The following RPS24 variants were observed in gnomAD, a reference collection of about 807,000 sequenced individuals.
RPS24 encodes the protein ribosomal protein S24.
For missense variants in RPS24, 100 were observed against 162.5 expected (o/e 0.62, Z 2.09); for synonymous variants, 72 against 55.6 (o/e 1.30, Z -1.31).
rs1847957910 is a variant in RPS24 at position 78,039,977 on chromosome 10, A to G, written c.391-227A>G. 5 of 619,262 alleles carry G rather than the reference A, an allele frequency of 8.1e-6. No individual in the cohort carries two copies. In the Admixed American group the frequency reaches 9.5e-5, roughly 12 times the overall value. The allele number at this position is 619,262 out of a possible 1,614,324, so 38.4% of individuals were successfully genotyped here. Reference sequence around the variant, plus strand: ...TGTGAAGTCCGGCTACCTCGTTTGCATAAGAACTACAGTAATCAGGCAAGG... The same window carrying G: ...TGTGAAGTCCGGCTACCTCGTTTGCGTAAGAACTACAGTAATCAGGCAAGG... On this transcript the variant is annotated intron_variant, in intron 4 of 5. Coordinates refer to ENST00000372360, the MANE Select transcript of RPS24 (RefSeq NM_033022.4).
chr10:78,040,837 G>C (rs1847976951), downstream of RPS24: 8 of 659,002 alleles, frequency 1.2e-5, no homozygotes, highest in Admixed American at 2.1e-4. Flanking sequence ...GTGTTTGTTT[G>C]CTGCTTGGTT....
chr10:78,045,360 T>G (rs1228573538), downstream of RPS24, among the ~76,000 whole-genome samples: 1 of 152,170 alleles, frequency 6.6e-6, no homozygotes. Context: ...CCACTCAGCT[T>G]ACAATCAGCT....
chr10:78,049,006 C>G (rs1848073427), intron 4 of RPS24: 1 of 152,052 alleles, frequency 6.6e-6, no homozygotes. Flanking sequence ...GGAAGGAGAG[C>G]TCTTCAGTTC....
downstream of RPS24, among the ~76,000 whole-genome samples, chr10:78,041,437 T>C (rs146472520): frequency 6.6e-6 from 1 of 152,310 alleles, no homozygotes; most frequent in East Asian, 1.9e-4. Flanking sequence ...CTTCGGTTTG[T>C]GGGGCCTCTG....
At chr10:78,047,209 G>A (rs913796142) in intron 4 of RPS24, among the ~76,000 whole-genome samples, 1 of 151,542 alleles carries the variant, frequency 6.6e-6, no homozygotes, top group Non-Finnish European at 1.5e-5. Context: ...CAGGTGATCC[G>A]CTGGCCTCGG....
At chr10:78,043,865 A>G (rs1848013979), downstream of RPS24, among the ~76,000 whole-genome samples, 1 of 152,090 alleles carries the variant, frequency 6.6e-6, no homozygotes, top group Non-Finnish European at 1.5e-5. Flanking sequence ...ATCATGGCTA[A>G]ATGGTCTGGG....
intron 4 of RPS24, among the ~76,000 whole-genome samples, chr10:78,054,050 A>ACCTTGGTGAGCTTTC (rs1246035806): frequency 1.3e-5 from 2 of 152,044 alleles, no homozygotes; most frequent in African/African-American, 4.8e-5. Context: ...TGAAGGCCAT[A>ACCTTGGTGAGCTTTC]CCTTGGTGAG....
intron 4 of RPS24, chr10:78,039,836 G>A (rs979507812): frequency 2.2e-5 from 7 of 322,924 alleles, no homozygotes; most frequent in Non-Finnish European, 4.1e-5. Flanking sequence ...TGTTCCTGGT[G>A]TGTGTCCAGC....
At chr10:78,053,139 G>A (rs1329825720) in intron 4 of RPS24, among the ~76,000 whole-genome samples, 1 of 149,590 alleles carries the variant, frequency 6.7e-6, no homozygotes, top group African/African-American at 2.5e-5. Flanking sequence ...GGCAACAAGA[G>A]TGAAATTCCG....
intron 1 of RPS24, among the ~76,000 whole-genome samples, chr10:78,034,970 G>T (rs1847830641): frequency 6.6e-6 from 1 of 152,166 alleles, no homozygotes; most frequent in African/African-American, 2.4e-5. Context: ...GGTGGGAAGT[G>T]CTTCCGGCAT....
intron 4 of RPS24, among the ~76,000 whole-genome samples, chr10:78,053,781 G>A (rs1848124042): frequency 6.6e-6 from 1 of 152,100 alleles, no homozygotes; most frequent in South Asian, 2.1e-4. Flanking sequence ...TCCTGTGTTG[G>A]GCACAGTATA....
chr10:78,048,826 G>A (rs951001841), intron 4 of RPS24, among the ~76,000 whole-genome samples: 3 of 139,414 alleles, frequency 2.2e-5, no homozygotes, highest in Non-Finnish European at 3.0e-5. Context: ...AGTGAGCCGC[G>A]ATTGCACCAC....
intron 4 of RPS24, chr10:78,037,599 T>A (rs778690821): frequency 1.3e-5 from 5 of 381,522 alleles, no homozygotes; most frequent in South Asian, 5.1e-5. Context: ...GAAGTTTTAA[T>A]TTTACTAATT....
chr10:78,049,816 C>G (rs931588806), intron 4 of RPS24, among the ~76,000 whole-genome samples: 12 of 152,210 alleles, frequency 7.9e-5, no homozygotes, highest in African/African-American at 2.7e-4. Flanking sequence ...TTCTGCTCCT[C>G]TTCCATCGGC....
chr10:78,049,838 C>T (rs1848081914), intron 4 of RPS24, among the ~76,000 whole-genome samples: 1 of 152,220 alleles, frequency 6.6e-6, no homozygotes, highest in South Asian at 2.1e-4. Flanking sequence ...GGGACTTAGT[C>T]TCCTGCAACA....
At chr10:78,049,208 G>GT (rs1848075418) in intron 4 of RPS24, 1 of 152,220 alleles carries the variant, frequency 6.6e-6, no homozygotes, top group African/African-American at 2.4e-5. Context: ...CTCAAGTGCT[G>GT]TTTCTTGCTT....
At chr10:78,040,890 C>T (rs1847977628), downstream of RPS24, 3 of 581,984 alleles carry the variant, frequency 5.2e-6, no homozygotes, top group Non-Finnish European at 9.2e-6. Context: ...CTTGTAAATG[C>T]TGTGTTAAGA....
At chr10:78,049,178 A>AGCAAGTGAGCCGTTTGCTAC (rs1320710602) in intron 4 of RPS24, 2 of 152,298 alleles carry the variant, frequency 1.3e-5, no homozygotes, top group East Asian at 3.9e-4. Context: ...CACCTCTGAC[A>AGCAAGTGAGCCGTTTGCTAC]GCAAGTGAGC....
In RPS24 at chr10:78,040,677, A is replaced by G; in HGVS notation, c.*82A>G. The G allele has an allele frequency of 1.2e-6, 2 of 1,613,978 alleles. No individual in the cohort carries two copies. The highest frequency in any genetic ancestry group is 8.5e-7 in the Non-Finnish European group (1 of 1,179,826). On this transcript the variant is annotated 3_prime_UTR_variant, in exon 6 of 6. Transcript: ENST00000372360. ...GCCACTGTGGATTTTTCGCAAGAAC[A>G]TTAATAAACTAAAAACTTCATGTGT...
Sources: gnomAD v4.1 joint callset for allele counts (sites outside exome capture counted in the v4.1 genomes callset) on GRCh38, gnomAD v4.1.1 for gene constraint, MANE v1.5 for transcripts, NCBI Gene and HGNC (gene_info 2026-07-23, HGNC 2026-07-21) for gene names.